GTPBP1: variants seen among roughly 807,000 people sequenced by gnomAD.
The protein encoded by GTPBP1 is GTP-binding protein 1.
Under a neutral mutation model 62.0 loss-of-function variants are expected in GTPBP1, and 23 were observed. That is an observed-to-expected ratio of 0.37 (90% confidence interval 0.27 to 0.53). GTPBP1 has a LOEUF of 0.53. Ranked by LOEUF, GTPBP1 falls within the 20% of genes least tolerant of loss-of-function variation. The pLI is 0.89. For synonymous variants in GTPBP1, 344 were observed against 364.4 expected (o/e 0.94, Z 0.64); for missense variants, 640 against 917.3 (o/e 0.70, Z 3.90).
chr22:38,706,032 C>CG lies in GTPBP1; in HGVS notation c.82dup (p.Ala28GlyfsTer16). 7.3e-7 allele frequency: 1 copy of CG among 1,367,650 alleles called. No homozygotes were observed. The highest frequency in any genetic ancestry group is 1.5e-5 in the South Asian group (1 of 68,084). The allele number at this position is 1,367,650 out of a possible 1,614,324, so 84.7% of individuals were successfully genotyped here. On this transcript the variant is annotated frameshift_variant, in exon 1 of 12. Coordinates refer to ENST00000216044, the MANE Select transcript of GTPBP1 (RefSeq NM_004286.5). LOFTEE classifies it high-confidence loss of function. ...ATGTTCGCCCCCGAGCCCAGCTCCC[C>CG]GGGGGCGGCCAGGGCCGCGGCGGCC...
downstream of GTPBP1, chr22:38,736,723 C>T (rs1000536773): frequency 4.7e-5 from 9 of 192,730 alleles, no homozygotes; most frequent in South Asian, 4.3e-4. Context: ...CAGTGCCCAT[C>T]GGGCCTCTGT....
At chr22:38,708,997 TG>T in intron 2 of GTPBP1, 41 bp downstream of exon 2, 2 of 1,266,900 alleles carry the variant, frequency 1.6e-6, no homozygotes, top group Non-Finnish European at 2.3e-6. Flanking sequence ...TAAAAATTAT[TG>T]GGCCGGGTGC....
downstream of GTPBP1, chr22:38,737,913 C>G (rs1222474531): frequency 6.0e-6 from 4 of 662,616 alleles, no homozygotes; most frequent in Non-Finnish European, 1.1e-5. This position sits in a 1 kb window ranked among gnomAD's most constrained non-coding sequence, Gnocchi z 4.1. Flanking sequence ...CACCCAACCC[C>G]TCTTGTGTAA....
At chr22:38,720,308 C>A (rs1040310241) in intron 4 of GTPBP1, among the ~76,000 whole-genome samples, 8 of 152,088 alleles carry the variant, frequency 5.3e-5, no homozygotes, top group Non-Finnish European at 1.0e-4. Context: ...CAACCTCCGC[C>A]TCCTTGGTTC....
At chr22:38,739,299 C>A (rs373250659), downstream of GTPBP1, 2 of 1,595,214 alleles carry the variant, frequency 1.3e-6, no homozygotes, top group Non-Finnish European at 1.7e-6. This position sits in a 1 kb window ranked among gnomAD's most constrained non-coding sequence, Gnocchi z 6.7. Context: ...CCGGCCATTG[C>A]GGGGTCCAGG....
chr22:38,738,938 C>T (rs1176573426), downstream of GTPBP1: 5 of 1,613,544 alleles, frequency 3.1e-6, no homozygotes, highest in Non-Finnish European at 4.2e-6. This position sits in a 1 kb window ranked among gnomAD's most constrained non-coding sequence, Gnocchi z 6.6. Context: ...CTGAGGAGGG[C>T]CGTCTTGGTC....
Position 38,726,320 on chromosome 22 carries a change from G to A in GTPBP1, c.1281G>A (p.Leu427=). The change falls in exon 8 of 12, where the codon CTG becomes CTA. Residue 427 remains leucine, a synonymous_variant. Coordinates refer to ENST00000216044, the MANE Select transcript of GTPBP1 (RefSeq NM_004286.5). The surrounding 1 kb of genome is among the most constrained non-coding windows in gnomAD (Gnocchi z 4.1). The part of the protein sequence containing the change: ...LRGLIKLNDT[L]LLGPDPLGNF... ...GCCTGATCAAGCTGAATGACACGCT[G>A]CTGCTGGGCCCAGACCCCTTGGGTA... 1 of 1,614,090 alleles carries A rather than the reference G, an allele frequency of 6.2e-7. No individual in the cohort carries two copies.
intron 2 of GTPBP1, among the ~76,000 whole-genome samples, chr22:38,715,529 A>G (rs1180376081): frequency 2.0e-5 from 3 of 152,150 alleles, no homozygotes; most frequent in African/African-American, 7.2e-5. Flanking sequence ...CTCTTCACAC[A>G]GTCCTAGAGT....
In GTPBP1 at chr22:38,720,057, T is replaced by C. The variant is rs1050056636; in HGVS notation, c.835-1685T>C. Among the ~76,000 whole-genome samples the C allele has an allele frequency of 3.6e-4, 54 of 151,730 alleles. 1 individual carries two copies. The highest frequency in any genetic ancestry group is 1.2e-3 in the African/African-American group (51 of 41,322). Reference sequence around the variant, plus strand: ...CATTCTTCTGCCTCAGCCTCCCAAGTAGCTGGGACTACAGGCGCCCGCCAC... The same window carrying C: ...CATTCTTCTGCCTCAGCCTCCCAAGCAGCTGGGACTACAGGCGCCCGCCAC... On this transcript the variant is annotated intron_variant, in intron 4 of 11. Coordinates refer to ENST00000216044, the MANE Select transcript of GTPBP1 (RefSeq NM_004286.5).
intron 1 of GTPBP1, among the ~76,000 whole-genome samples, chr22:38,708,520 G>A (rs990731002): frequency 6.6e-6 from 1 of 152,314 alleles, no homozygotes; most frequent in Middle Eastern, 3.4e-3. Flanking sequence ...GGAAAGCACT[G>A]CGCTTTCTAT....
chr22:38,733,585 C>T lies in GTPBP1; in HGVS notation c.*2881C>T, dbSNP rs2092775672. The T allele has an allele frequency of 6.6e-6, 1 of 152,312 alleles. No individual in the cohort carries two copies. The highest frequency in any genetic ancestry group is 1.9e-4 in the East Asian group (1 of 5,202). 9.4% of individuals were successfully genotyped at this position (152,312 alleles called of 1,614,324 possible). ...ATAAAATTGTTAATCCAATCACCTC[C>T]AATGGCAAGGCCTGACCCTTCTGTG... On this transcript the variant is annotated 3_prime_UTR_variant, in exon 12 of 12. Coordinates refer to ENST00000216044, the MANE Select transcript of GTPBP1 (RefSeq NM_004286.5).
At chr22:38,713,074 A>G (rs2092649160) in intron 2 of GTPBP1, among the ~76,000 whole-genome samples, 1 of 152,162 alleles carries the variant, frequency 6.6e-6, no homozygotes, top group African/African-American at 2.4e-5. Flanking sequence ...TGTAAGGGAG[A>G]CACAGACATT....
At chr22:38,738,169 G>A (rs372381106), downstream of GTPBP1, 27 of 1,613,702 alleles carry the variant, frequency 1.7e-5, no homozygotes, top group African/African-American at 2.8e-4. The surrounding 1 kb of genome is among the most constrained non-coding windows in gnomAD (Gnocchi z 6.6). Context: ...GCAGCATCCC[G>A]TACCTGAAAG....
downstream of GTPBP1, chr22:38,738,909 C>T (rs377722106): frequency 6.2e-7 from 1 of 1,611,676 alleles, no homozygotes; most frequent in Admixed American, 1.7e-5. The surrounding 1 kb of genome is among the most constrained non-coding windows in gnomAD (Gnocchi z 6.6). Flanking sequence ...AGTGGTACCA[C>T]AGGGGGATGC....
At chr22:38,739,184 C>T (rs1191325542), downstream of GTPBP1, 3 of 944,022 alleles carry the variant, frequency 3.2e-6, no homozygotes, top group African/African-American at 3.2e-5. The surrounding 1 kb of genome is among the most constrained non-coding windows in gnomAD (Gnocchi z 6.7). Flanking sequence ...CCTGACTTCC[C>T]TGAATTGCCA....
chr22:38,739,843 C>T (rs781710685), downstream of GTPBP1: 6 of 1,613,502 alleles, frequency 3.7e-6, no homozygotes, highest in South Asian at 2.2e-5. The surrounding 1 kb of genome is among the most constrained non-coding windows in gnomAD (Gnocchi z 6.7). Context: ...CTCCAGCTCT[C>T]GCAGCTGAGC....
intron 2 of GTPBP1, among the ~76,000 whole-genome samples, chr22:38,710,646 T>C (rs1204247178): frequency 6.6e-6 from 1 of 152,140 alleles, no homozygotes; most frequent in Non-Finnish European, 1.5e-5. Flanking sequence ...ATTTGTTGAC[T>C]AGGAGATCAT....
downstream of GTPBP1, chr22:38,740,865 C>G (rs2092850944): frequency 1.2e-5 from 11 of 923,248 alleles, no homozygotes; most frequent in South Asian, 1.5e-4. This position sits in a 1 kb window ranked among gnomAD's most constrained non-coding sequence, Gnocchi z 4.8. Context: ...GGGTCCTGAG[C>G]TGGGTTTCAA....
chr22:38,707,789 A>G (rs917321885), intron 1 of GTPBP1, among the ~76,000 whole-genome samples: 7 of 152,232 alleles, frequency 4.6e-5, no homozygotes, highest in Non-Finnish European at 7.3e-5. Flanking sequence ...AAAAAATCAT[A>G]TGTATATTAA....
Sources: allele counts gnomAD v4.1 joint callset (sites outside exome capture counted in the v4.1 genomes callset), GRCh38; gene constraint gnomAD v4.1.1; non-coding constraint Gnocchi (gnomAD v3.1); transcripts MANE v1.5; gene names NCBI Gene and HGNC (gene_info 2026-07-23, HGNC 2026-07-21).